The following EPB41L2 variants were observed in gnomAD, a reference collection of about 807,000 sequenced individuals.
EPB41L2 encodes erythrocyte membrane protein band 4.1 like 2, also known as band 4.1-like protein 2.
A neutral mutation model predicts 113.0 loss-of-function variants in EPB41L2; 43 were observed. That is an observed-to-expected ratio of 0.38 (90% CI 0.30 to 0.49). The LOEUF (loss-of-function observed/expected upper bound fraction) is 0.49. Ranked by LOEUF, EPB41L2 falls within the 20% of genes least tolerant of loss-of-function variation. EPB41L2 has a pLI of 0.95. For missense variants in EPB41L2, 1,147 were observed against 1,223.4 expected (o/e 0.94, Z 0.93); for synonymous variants, 442 against 436.7 (o/e 1.01, Z -0.15).
chr6:131,055,687 T>C (rs1380286692), intron 1 of EPB41L2, among the ~76,000 whole-genome samples: 2 of 152,164 alleles, frequency 1.3e-5, no homozygotes, highest in Non-Finnish European at 2.9e-5. Flanking sequence ...TGGGTGCCCT[T>C]GAGCCATTTA....
intron 4 of EPB41L2, among the ~76,000 whole-genome samples, chr6:130,921,434 C>T (rs1171282386): frequency 1.3e-5 from 2 of 152,136 alleles, no homozygotes; most frequent in Non-Finnish European, 2.9e-5. Context: ...TGAGAAAACA[C>T]GAGTCCCTAC....
At chr6:131,025,771 A>G (rs932435217) in intron 1 of EPB41L2, among the ~76,000 whole-genome samples, 3 of 152,226 alleles carry the variant, frequency 2.0e-5, no homozygotes, top group African/African-American at 7.2e-5. Flanking sequence ...ATACCGTACA[A>G]GCAGCAAAGC....
At chr6:130,940,665 T>A (rs1202628991) in intron 3 of EPB41L2, among the ~76,000 whole-genome samples, 3 of 151,962 alleles carry the variant, frequency 2.0e-5, no homozygotes, top group Non-Finnish European at 4.4e-5. Context: ...TGGGGTTTCA[T>A]CACATTGGCC....
At chr6:130,847,572 C>T (rs942050827) in intron 19 of EPB41L2, among the ~76,000 whole-genome samples, 1 of 152,190 alleles carries the variant, frequency 6.6e-6, no homozygotes, top group Non-Finnish European at 1.5e-5. Flanking sequence ...GGAAGAAGCA[C>T]TAATTCCCAT....
intron 14 of EPB41L2, chr6:130,876,653 C>A: frequency 1.6e-6 from 2 of 1,282,776 alleles, no homozygotes; most frequent in South Asian, 1.3e-5. Context: ...AAGAGTAGAT[C>A]CAAGGGTGCA....
At chr6:130,873,579 C>A (rs1786487158) in intron 14 of EPB41L2, among the ~76,000 whole-genome samples, 1 of 151,876 alleles carries the variant, frequency 6.6e-6, no homozygotes, top group South Asian at 2.1e-4. Context: ...GATTTTCCTG[C>A]CTCAGCCTCC....
At chr6:130,995,311 G>A (rs866242257) in intron 1 of EPB41L2, among the ~76,000 whole-genome samples, 1 of 151,812 alleles carries the variant, frequency 6.6e-6, no homozygotes, top group African/African-American at 2.4e-5. Flanking sequence ...CTCCAGCCTG[G>A]GCGACTAAGC....
chr6:130,865,594 G>C lies in EPB41L2; in HGVS notation c.2771C>G (p.Thr924Ser). The C allele has an allele frequency of 6.2e-7, 1 of 1,614,172 alleles. No homozygotes were observed. The highest frequency in any genetic ancestry group is 8.5e-7 in the Non-Finnish European group (1 of 1,180,026). ...GAGGDSGTLL[T>S]AQTITSESVS... Reference sequence around the variant, plus strand: ...GGACTCAGATGTGATGGTTTGTGCGGTCAGTAACGTGCCCGAATCACCACC... The same window carrying C: ...GGACTCAGATGTGATGGTTTGTGCGCTCAGTAACGTGCCCGAATCACCACC... Residue 924 changes from threonine to serine, a missense_variant, in exon 17 of 20, where the codon ACC becomes AGC. Transcript: ENST00000337057.
intron 1 of EPB41L2, among the ~76,000 whole-genome samples, chr6:130,957,878 C>T (rs1416014134): frequency 1.3e-5 from 2 of 152,182 alleles, no homozygotes; most frequent in African/African-American, 2.4e-5. Context: ...CTGCATTCCC[C>T]GTCGCCCCCT....
intron 19 of EPB41L2, among the ~76,000 whole-genome samples, chr6:130,857,166 A>G (rs1398390905): frequency 4.6e-5 from 7 of 152,204 alleles, no homozygotes; most frequent in African/African-American, 9.7e-5. Flanking sequence ...ACAGCAGTAT[A>G]TATTTCCTGC....
chr6:130,867,101 C>T (rs1442118544), intron 16 of EPB41L2, among the ~76,000 whole-genome samples: 1 of 152,064 alleles, frequency 6.6e-6, no homozygotes, highest in Admixed American at 6.6e-5. Context: ...TATTATTAAT[C>T]GATGAATTAT....
chr6:131,004,939 C>T (rs1413199794), intron 1 of EPB41L2, among the ~76,000 whole-genome samples: 1 of 152,278 alleles, frequency 6.6e-6, no homozygotes, highest in African/African-American at 2.4e-5. Flanking sequence ...AAGAAAGCAA[C>T]ATAAAGCTTT....
At chr6:131,060,879 T>C (rs541746188) in intron 1 of EPB41L2, among the ~76,000 whole-genome samples, 16 of 152,378 alleles carry the variant, frequency 1.1e-4, no homozygotes, top group South Asian at 4.1e-4. Context: ...ATTTGAAATA[T>C]ACACACTTAG....
At chr6:131,014,525 A>ATC (rs1787757300) in intron 1 of EPB41L2, among the ~76,000 whole-genome samples, 1 of 152,230 alleles carries the variant, frequency 6.6e-6, no homozygotes, top group South Asian at 2.1e-4. Context: ...CCAAAATTCA[A>ATC]TCTGTGACCC....
In EPB41L2 at chr6:131,019,578, T is replaced by C. The variant is rs529763563; in HGVS notation, c.-15+43577A>G. 3.3e-5 allele frequency among the ~76,000 whole-genome samples: 5 copies of C among 152,314 alleles called. 1 individual carries two copies. Among genetic ancestry groups the C allele is most frequent in the African/African-American group, 1.2e-4 (5 of 41,590 alleles). On this transcript the variant is annotated intron_variant, in intron 1 of 19. Coordinates refer to ENST00000337057, the MANE Select transcript of EPB41L2 (RefSeq NM_001431.4). ...TAGCATGGTAGAGAATTATACTGCATTCCTAAATTAGTTAGCATTTTCCTG... is the reference window on the plus strand; with the variant it reads ...TAGCATGGTAGAGAATTATACTGCACTCCTAAATTAGTTAGCATTTTCCTG...
At chr6:130,949,039 G>T (rs1813904892) in intron 3 of EPB41L2, among the ~76,000 whole-genome samples, 1 of 152,184 alleles carries the variant, frequency 6.6e-6, no homozygotes, top group Admixed American at 6.5e-5. Flanking sequence ...CAAGTGGACA[G>T]ACCTAGAAAC....
At chr6:131,007,179 T>C (rs949549531) in intron 1 of EPB41L2, among the ~76,000 whole-genome samples, 1 of 152,186 alleles carries the variant, frequency 6.6e-6, no homozygotes, top group Non-Finnish European at 1.5e-5. Context: ...ATAATCCCCA[T>C]GTGTCAAGGG....
intron 16 of EPB41L2, 49 bp from the exon 17 acceptor site, chr6:130,865,683 T>G: frequency 6.3e-7 from 1 of 1,583,496 alleles, no homozygotes; most frequent in Non-Finnish European, 8.7e-7. Flanking sequence ...ACTTCTGTTA[T>G]GTTGTCAGAG....
chr6:130,858,398 C>T (rs1780957084), intron 18 of EPB41L2, 155 bp from the exon 19 acceptor site: 2 of 561,704 alleles, frequency 3.6e-6, no homozygotes, highest in East Asian at 6.1e-5. Flanking sequence ...GAAATGGGTT[C>T]ACTGTCATTT....
Sources: gnomAD v4.1 joint callset for allele counts (sites outside exome capture counted in the v4.1 genomes callset) on GRCh38, gnomAD v4.1.1 for gene constraint, MANE v1.5 for transcripts, NCBI Gene and HGNC (gene_info 2026-07-23, HGNC 2026-07-21) for gene names.